ANKRD23: variants seen among roughly 807,000 people sequenced by gnomAD.
ANKRD23 encodes ankyrin repeat domain-containing protein 23.
In ANKRD23, 52 loss-of-function variants were observed where a neutral mutation model predicts 38.1. That is an observed-to-expected ratio of 1.36 (90% CI 1.09 to 1.72). ANKRD23 has a LOEUF of 1.72. Ranked by LOEUF, ANKRD23 falls within the 40% of genes most tolerant of loss-of-function variation. ANKRD23 has a pLI of 0.00. For synonymous variants in ANKRD23, 167 were observed against 162.9 expected, an observed-to-expected ratio of 1.03 and a Z score of -0.19; for missense variants, 416 against 400.2, an observed-to-expected ratio of 1.04 and a Z score of -0.34.
chr2:96,842,328 C>T, intron 2 of ANKRD23, 37 bp downstream of exon 2: 4 of 1,604,944 alleles, frequency 2.5e-6, no homozygotes, highest in Non-Finnish European at 3.4e-6. Context: ...CAGGGATTAG[C>T]CACTGCCCCC....
At chr2:96,842,713 T>G (rs1420653200) in intron 1 of ANKRD23, among the ~76,000 whole-genome samples, 1 of 152,216 alleles carries the variant, frequency 6.6e-6, no homozygotes, top group Non-Finnish European at 1.5e-5. Flanking sequence ...TCCGCAACTG[T>G]GTCATCAGCT....
In ANKRD23 at chr2:96,839,072, A is replaced by G. The variant is rs1442021766; in HGVS notation, c.*477T>C. ...CCCCTGCATGGCCTGCCTTGGCTGC[A>G]CCTTGTACATCCTGGATGGCATCTG... On this transcript the variant is annotated 3_prime_UTR_variant, in exon 9 of 9. Coordinates refer to ENST00000318357, the MANE Select transcript of ANKRD23 (RefSeq NM_144994.8). 3.0e-6 allele frequency: 3 copies of G among 987,224 alleles called. No homozygotes were observed. In the African/African-American group the frequency reaches 5.2e-5, roughly 17 times the overall value. The allele number at this position is 987,224 out of a possible 1,614,324, so 61.2% of individuals were successfully genotyped here.
At chr2:96,841,031 C>G in intron 3 of ANKRD23, 119 bp from the exon 4 acceptor site, 1 of 1,237,874 alleles carries the variant, frequency 8.1e-7, no homozygotes, top group Non-Finnish European at 1.1e-6. Flanking sequence ...ACTGCTGGCT[C>G]GTACTAATGC....
chr2:96,839,855 GC>G (rs1017424558), intron 7 of ANKRD23, 30 bp from the exon 8 acceptor site: 11 of 1,595,408 alleles, frequency 6.9e-6, no homozygotes, highest in Middle Eastern at 1.7e-4. Context: ...TCAAGCTTCT[GC>G]CTCCGCGTGC....
intron 5 of ANKRD23, 28 bp downstream of exon 5, chr2:96,840,388 C>CAG (rs997347390): frequency 4.3e-6 from 7 of 1,612,982 alleles, no homozygotes; most frequent in Non-Finnish European, 5.9e-6. Context: ...GGGCGTCGAC[C>CAG]AGAGGCTGGG....
rs2079717134 is a variant in ANKRD23, at chr2:96,838,394, T to C, written c.*1155A>G. 1 of 988,130 alleles carries C rather than the reference T, an allele frequency of 1.0e-6. No individual in the cohort carries two copies. Among genetic ancestry groups the C allele is most frequent in the Non-Finnish European group, 1.2e-6 (1 of 830,162 alleles). 61.2% of individuals were successfully genotyped at this position (988,130 alleles called of 1,614,324 possible). A position where few individuals can be genotyped will look rare whatever the true frequency, so the allele number is the denominator to read the frequency against. On this transcript the variant is annotated 3_prime_UTR_variant, in exon 9 of 9. Transcript: ENST00000318357. The stretch of plus-strand genomic sequence containing the variant: ...CAGTACAGGCCTACACCAGTGTAAT[T>C]TGAAACGTACAGACGGTGGAAGAGG...
In ANKRD23 at chr2:96,838,079, A is replaced by G. The variant is rs2079711345; in HGVS notation, c.*1470T>C. ...CTGGGTGCACGCTGGCTGTCGCCAC[A>G]GGGCAGGAGCTGCTCATGGAAAGGT... On this transcript the variant is annotated 3_prime_UTR_variant, in exon 9 of 9. Coordinates refer to ENST00000318357, the MANE Select transcript of ANKRD23 (RefSeq NM_144994.8). The G allele has an allele frequency of 6.5e-6, 1 of 153,498 alleles. No individual in the cohort carries two copies. The highest frequency in any genetic ancestry group is 1.4e-5 in the Non-Finnish European group (1 of 69,154). The allele number at this position is 153,498 out of a possible 1,614,324, so 9.5% of individuals were successfully genotyped here. A position where few individuals can be genotyped will look rare whatever the true frequency, so the allele number is the denominator to read the frequency against.
intron 3 of ANKRD23, 116 bp downstream of exon 3, chr2:96,841,944 G>T: frequency 6.8e-7 from 1 of 1,463,726 alleles, no homozygotes; most frequent in Non-Finnish European, 9.3e-7. Flanking sequence ...GATTTAATGG[G>T]CTCCCCAGGC....
At chr2:96,842,553 G>A (rs1313078151) in intron 1 of ANKRD23, 42 bp from the exon 2 acceptor site, 1 of 1,579,030 alleles carries the variant, frequency 6.3e-7, no homozygotes, top group Non-Finnish European at 8.6e-7. Flanking sequence ...GAAAATTGGA[G>A]GAACCCTTAG....
chr2:96,839,407 C>T lies in ANKRD23; in HGVS notation c.*142G>A. On this transcript the variant is annotated 3_prime_UTR_variant, in exon 9 of 9. Coordinates refer to ENST00000318357, the MANE Select transcript of ANKRD23 (RefSeq NM_144994.8). ...CTGGGCCCGGTGCCGCTCTTCAGTT[C>T]TGCCAGGGCTGCTGAGGCGGCACAG... The T allele has an allele frequency of 3.1e-6, 4 of 1,282,738 alleles. No homozygotes were observed. The highest frequency in any genetic ancestry group is 3.9e-6 in the Non-Finnish European group (4 of 1,018,628). The allele number at this position is 1,282,738 out of a possible 1,614,324, so 79.5% of individuals were successfully genotyped here. A position where few individuals can be genotyped will look rare whatever the true frequency, so the allele number is the denominator to read the frequency against.
intron 3 of ANKRD23, chr2:96,841,240 C>T: frequency 8.2e-6 from 2 of 244,284 alleles, no homozygotes; most frequent in East Asian, 1.0e-4. Flanking sequence ...TATGGTGGGC[C>T]CCTCACCAAT....
chr2:96,839,798 C>G lies in ANKRD23; in HGVS notation c.751G>C (p.Val251Leu). 1 of 1,613,188 alleles carries G rather than the reference C, an allele frequency of 6.2e-7. No homozygotes were observed. Among genetic ancestry groups the G allele is most frequent in the African/African-American group, 1.3e-5 (1 of 75,068 alleles). Residue 251 changes from valine (V) to leucine (L), a missense_variant, in exon 8 of 9, where the codon GTG (valine) becomes CTG (leucine). Transcript: ENST00000318357. ...KEGDTALHEA[V>L]RHGSYKAMKL... The stretch of plus-strand genomic sequence containing the variant: ...ATGGCTTTGTAGCTGCCGTGCCGCA[C>G]GGCCTCGTGCAGAGCCGTGTCCCCT...
chr2:96,839,986 G>A lies in ANKRD23; in HGVS notation c.723+11C>T, dbSNP rs1042637964. 5.2e-6 allele frequency: 8 copies of A among 1,552,708 alleles called. No homozygotes were observed. The highest frequency in any genetic ancestry group is 6.1e-6 in the Non-Finnish European group (7 of 1,147,502). On this transcript the variant is annotated intron_variant, in intron 7 of 8. Coordinates refer to ENST00000318357, the MANE Select transcript of ANKRD23 (RefSeq NM_144994.8). The stretch of plus-strand genomic sequence containing the variant: ...CTGTCCGAGCCGGAAAAGACCAAGC[G>A]CCTGCCTTACCTTATCCTGTGCGTT...
chr2:96,843,951 G>A lies in ANKRD23; in HGVS notation c.27+15C>T, dbSNP rs199745623. ...CGGTCCCAGGGTGCCTCCCACCTCC[G>A]TCCCACATCCTTACCAACTGCTGAA... On this transcript the variant is annotated intron_variant, in intron 1 of 8. Coordinates refer to ENST00000318357, the MANE Select transcript of ANKRD23 (RefSeq NM_144994.8). The A allele has an allele frequency of 3.4e-5, 55 of 1,604,952 alleles. No individual in the cohort carries two copies. Among genetic ancestry groups the A allele is most frequent in the East Asian group, 9.1e-5 (4 of 43,848 alleles).
intron 3 of ANKRD23, among the ~76,000 whole-genome samples, chr2:96,841,464 T>G (rs1201896213): frequency 6.6e-6 from 1 of 151,524 alleles, no homozygotes; most frequent in Non-Finnish European, 1.5e-5. Context: ...CCGGGCGTGG[T>G]GGCGGGTGCC....
chr2:96,839,785 C>A lies in ANKRD23; in HGVS notation c.764G>T (p.Ser255Ile), dbSNP rs151227731. 3.7e-6 allele frequency: 6 copies of A among 1,613,286 alleles called. No individual in the cohort carries two copies. The African/African-American group carries it at 6.7e-5, about 18-fold the overall frequency. Residue 255 changes from serine (S) to isoleucine (I), a missense_variant, in exon 8 of 9, where the codon AGC becomes ATC. By Grantham distance (142) the Ser-to-Ile change is moderately radical (BLOSUM62 -2). Transcript: ENST00000318357. ...TALHEAVRHG[S>I]YKAMKLLLLY... ...CAGCAGTAGCTTCATGGCTTTGTAG[C>A]TGCCGTGCCGCACGGCCTCGTGCAG... is the stretch of plus-strand genomic sequence containing the variant.
chr2:96,840,010 T>C lies in ANKRD23; in HGVS notation c.710A>G (p.Asn237Ser). ...CGCCTGCCTTACCTTATCCTGTGCG[T>C]TCAGGTGGGCGCCACACTCGATGAG... ...EHLIECGAHLNAQDKEGDTAL... is the reference protein window; with the variant it reads ...EHLIECGAHLSAQDKEGDTAL... Residue 237 changes from asparagine to serine, a missense_variant, in exon 7 of 9, where the codon AAC (asparagine) becomes AGC (serine). Coordinates refer to ENST00000318357, the MANE Select transcript of ANKRD23 (RefSeq NM_144994.8). 6.4e-7 allele frequency: 1 copy of C among 1,556,740 alleles called. No homozygotes were observed. The highest frequency in any genetic ancestry group is 1.2e-5 in the South Asian group (1 of 84,380).
In ANKRD23 at chr2:96,839,287, G is replaced by C. The variant is rs1559020620; in HGVS notation, c.*262C>G. On this transcript the variant is annotated 3_prime_UTR_variant, in exon 9 of 9. Coordinates refer to ENST00000318357, the MANE Select transcript of ANKRD23 (RefSeq NM_144994.8). ...CCCTTCCTGGCCCTCATCTGGACCC[G>C]CGCTTTCTGCTGCCTTGTGGTCCTC... 1 of 1,209,998 alleles carries C rather than the reference G, an allele frequency of 8.3e-7. No individual in the cohort carries two copies. Among genetic ancestry groups the C allele is most frequent in the Non-Finnish European group, 1.0e-6 (1 of 974,362 alleles). 75.0% of individuals were successfully genotyped at this position (1,209,998 alleles called of 1,614,324 possible).
At position 96,839,608 on chromosome 2, in the gene ANKRD23, G is replaced by GCCAGTCT. The variant is rs747550691; in HGVS notation, c.852_858dup (p.Gln287ArgfsTer213). On this transcript the variant is annotated frameshift_variant, in exon 9 of 9. Transcript: ENST00000318357. LOFTEE classifies it high-confidence loss of function. ...TGCAGGGCCTCCCGGATGCCGCGCTGCCAGTCTCGAGCCAGCTGCACCGGG... is the reference window on the plus strand; with the variant it reads ...TGCAGGGCCTCCCGGATGCCGCGCTGCCAGTCTCCAGTCTCGAGCCAGCTGCACCGGG... 1.6e-5 allele frequency: 24 copies of GCCAGTCT among 1,494,330 alleles called. No individual in the cohort carries two copies. The Admixed American group carries it at 5.5e-4, about 34-fold the overall frequency. 92.6% of individuals were successfully genotyped at this position (1,494,330 alleles called of 1,614,324 possible). A position where few individuals can be genotyped will look rare whatever the true frequency, so the allele number is the denominator to read the frequency against.
Sources: allele counts gnomAD v4.1 joint callset (sites outside exome capture counted in the v4.1 genomes callset), GRCh38; gene constraint gnomAD v4.1.1; transcripts MANE v1.5; gene names NCBI Gene and HGNC (gene_info 2026-07-23, HGNC 2026-07-21).